ZC3H12C: variants seen among roughly 807,000 people sequenced by gnomAD.
ZC3H12C encodes zinc finger CCCH-type containing 12C, also known as probable ribonuclease ZC3H12C.
ZC3H12C carries 20 observed loss-of-function variants against 76.3 expected under a neutral mutation model. The ratio of observed to expected loss-of-function variants is 0.26; its 90% CI spans 0.18 to 0.38. The LOEUF (loss-of-function observed/expected upper bound fraction) is 0.38, where lower values mean the gene tolerates loss of function less well. Ranked by LOEUF, ZC3H12C falls within the 10% of genes least tolerant of loss-of-function variation. ZC3H12C has a pLI of 1.00. For missense variants in ZC3H12C, 874 were observed against 1,086.5 expected (o/e 0.80, Z 2.75); for synonymous variants, 352 against 399.6 (o/e 0.88, Z 1.42).
chr11:110,093,507 G>A (rs1591451501), intron 1 of ZC3H12C, 75 bp downstream of exon 1: 4 of 1,084,098 alleles, frequency 3.7e-6, no homozygotes, highest in African/African-American at 1.7e-5. Context: ...CGTGGGGAGG[G>A]CCGCGGGGCC....
chr11:110,140,908 G>A (rs527352460), intron 2 of ZC3H12C, among the ~76,000 whole-genome samples: 1 of 152,314 alleles, frequency 6.6e-6, no homozygotes, highest in African/African-American at 2.4e-5. Flanking sequence ...ATAGGGAAAT[G>A]TAGAGAATGG....
intron 4 of ZC3H12C, among the ~76,000 whole-genome samples, chr11:110,160,271 C>T (rs760823182): frequency 3.3e-5 from 5 of 152,148 alleles, no homozygotes; most frequent in Non-Finnish European, 7.4e-5. Context: ...TACTATAAAC[C>T]ACTATAGACT....
At chr11:110,094,402 T>C (rs1034154325) in intron 1 of ZC3H12C, among the ~76,000 whole-genome samples, 2 of 152,236 alleles carry the variant, frequency 1.3e-5, no homozygotes, top group African/African-American at 4.8e-5. Context: ...TGTTTAGGAA[T>C]TTGGCAACGT....
Position 110,095,870 on chromosome 11 carries a change from G to A in ZC3H12C, c.21+2438G>A, listed in dbSNP as rs376546711. The stretch of plus-strand genomic sequence containing the variant: ...GTGAGTGGGTAAGTTGGCAAATAGA[G>A]TTTTGGAGTATAGTTTTTATTAGAG... On this transcript the variant is annotated intron_variant, in intron 1 of 5. Coordinates refer to ENST00000278590, the MANE Select transcript of ZC3H12C (RefSeq NM_033390.2). Among the ~76,000 whole-genome samples the A allele has an allele frequency of 8.5e-5, 13 of 152,252 alleles. No individual in the cohort carries two copies. In the East Asian group the frequency reaches 2.5e-3, roughly 29 times the overall value.
chr11:110,157,344 A>G, intron 3 of ZC3H12C, among the ~76,000 whole-genome samples: 1 of 152,128 alleles, frequency 6.6e-6, no homozygotes, highest in South Asian at 2.1e-4. Flanking sequence ...CAACATGAAG[A>G]AACAGACTCA....
At chr11:110,133,690 A>G (rs893015875) in intron 1 of ZC3H12C, among the ~76,000 whole-genome samples, 8 of 152,180 alleles carry the variant, frequency 5.3e-5, no homozygotes, top group Non-Finnish European at 1.0e-4. Flanking sequence ...TGTGTGATTT[A>G]GTTATTAAAA....
At chr11:110,146,749 ATTT>A (rs902863800) in intron 2 of ZC3H12C, among the ~76,000 whole-genome samples, 1 of 151,036 alleles carries the variant, frequency 6.6e-6, no homozygotes, top group Non-Finnish European at 1.5e-5. Context: ...ATCTTTCTAC[ATTT>A]TTTTTTCCAA....
intron 2 of ZC3H12C, among the ~76,000 whole-genome samples, chr11:110,148,354 G>A (rs618785): frequency 0.69 from 105,000 of 152,044 alleles, 37,036 homozygotes; most frequent in South Asian, 0.79. Context: ...ATTTTTAAAA[G>A]AGAGACCTAC....
At chr11:110,139,867 T>C (rs1862037651) in intron 2 of ZC3H12C, among the ~76,000 whole-genome samples, 1 of 123,426 alleles carries the variant, frequency 8.1e-6, no homozygotes, top group South Asian at 2.5e-4. Flanking sequence ...TTCATATATT[T>C]TCTTTTTTTT....
chr11:110,094,046 A>G (rs550994560), intron 1 of ZC3H12C, among the ~76,000 whole-genome samples: 54 of 152,106 alleles, frequency 3.6e-4, no homozygotes, highest in African/African-American at 1.1e-3. Flanking sequence ...GGCTGTTCAC[A>G]TTTTTAACTC....
chr11:110,118,030 TTA>T (rs201514056), intron 1 of ZC3H12C, among the ~76,000 whole-genome samples: 3,504 of 49,862 alleles, frequency 0.07, 394 homozygotes, highest in South Asian at 0.16. Flanking sequence ...CACATATATA[TTA>T]TATATATATA....
At chr11:110,103,419 T>C (rs1410835626) in intron 1 of ZC3H12C, among the ~76,000 whole-genome samples, 2 of 152,222 alleles carry the variant, frequency 1.3e-5, no homozygotes, top group African/African-American at 4.8e-5. Flanking sequence ...ATTTCACTTA[T>C]TATGAAAGAT....
In ZC3H12C at chr11:110,136,692, C is replaced by CA. The variant is rs775149266; in HGVS notation, c.52dup (p.Arg18LysfsTer12). The CA allele has an allele frequency of 6.2e-7, 1 of 1,613,602 alleles. No homozygotes were observed. Among genetic ancestry groups the CA allele is most frequent in the African/African-American group, 1.3e-5 (1 of 75,008 alleles). The stretch of plus-strand genomic sequence containing the variant: ...ACGGGGTGCTTTGCATTCAGGAATA[C>CA]AGAAAAAACAGCAAAGTGGAGTCAA... On this transcript the variant is annotated frameshift_variant, in exon 2 of 6. Transcript: ENST00000278590. LOFTEE classifies it high-confidence loss of function.
chr11:110,122,262 A>G (rs980445562), intron 1 of ZC3H12C, among the ~76,000 whole-genome samples: 1 of 152,236 alleles, frequency 6.6e-6, no homozygotes, highest in Admixed American at 6.5e-5. Context: ...CTTACCATAC[A>G]GTGTCATTAA....
chr11:110,155,710 A>G (rs1862364998), intron 3 of ZC3H12C, among the ~76,000 whole-genome samples: 1 of 151,956 alleles, frequency 6.6e-6, no homozygotes. Context: ...ACAGGCATAC[A>G]TATATATATA....
intron 2 of ZC3H12C, among the ~76,000 whole-genome samples, chr11:110,145,993 T>A (rs760002327): frequency 1.5e-4 from 23 of 152,182 alleles, no homozygotes; most frequent in Admixed American, 1.0e-3. Context: ...AGTTTAGTTT[T>A]GTTTTGTTTT....
At chr11:110,162,711 ATCACT>A (rs1425866564) in intron 4 of ZC3H12C, among the ~76,000 whole-genome samples, 4 of 152,242 alleles carry the variant, frequency 2.6e-5, no homozygotes, top group Non-Finnish European at 4.4e-5. Flanking sequence ...TTGGATAAAA[ATCACT>A]TCATTTATCT....
At chr11:110,122,095 A>G (rs997513533) in intron 1 of ZC3H12C, among the ~76,000 whole-genome samples, 2 of 152,224 alleles carry the variant, frequency 1.3e-5, no homozygotes, top group Admixed American at 1.3e-4. Context: ...AGAACAAGAC[A>G]TGCACGTATC....
rs996923785 is a variant in ZC3H12C at position 110,165,474 on chromosome 11, G to T, written c.2389G>T (p.Asp797Tyr). 2 of 1,613,846 alleles carry T rather than the reference G, an allele frequency of 1.2e-6. No individual in the cohort carries two copies. Among genetic ancestry groups the T allele is most frequent in the Non-Finnish European group, 1.7e-6 (2 of 1,179,888 alleles). Residue 797 changes from aspartate to tyrosine, a missense_variant, in exon 6 of 6, where the codon GAT becomes TAT. This residue lies in a region of ZC3H12C where 395 missense variants were observed against 434.4 expected (regional missense o/e 0.91). Coordinates refer to ENST00000278590, the MANE Select transcript of ZC3H12C (RefSeq NM_033390.2). ...YGYRQTYSLP[D>Y]NSTQPCYEQF... Reference sequence around the variant, plus strand: ...GTACCGGCAGACTTATTCCTTGCCCGATAACTCCACACAGCCGTGTTATGA... The same window carrying T: ...GTACCGGCAGACTTATTCCTTGCCCTATAACTCCACACAGCCGTGTTATGA...
Sources: allele counts gnomAD v4.1 joint callset (sites outside exome capture counted in the v4.1 genomes callset), GRCh38; gene constraint gnomAD v4.1.1; regional missense constraint gnomAD v4.1.1; transcripts MANE v1.5; gene names NCBI Gene and HGNC (gene_info 2026-07-23, HGNC 2026-07-21).